RUNX1T1: variants seen among roughly 807,000 people sequenced by gnomAD.
RUNX1T1 encodes protein CBFA2T1.
A neutral mutation model predicts 62.8 loss-of-function variants in RUNX1T1; 4 were observed. The observed-to-expected ratio is 0.06, with a 90% confidence interval of 0.03 to 0.15. The LOEUF is 0.15. Among genes scored for constraint, RUNX1T1 ranks in the 10% least tolerant of loss-of-function variants. RUNX1T1 has a pLI of 1.00. For missense variants in RUNX1T1, 508 were observed against 754.3 expected, an observed-to-expected ratio of 0.67 and a Z score of 3.82; for synonymous variants, 291 against 286.0, an observed-to-expected ratio of 1.02 and a Z score of -0.18.
At chr8:92,065,562 G>C (rs559273533), upstream of RUNX1T1, among the ~76,000 whole-genome samples, 1 of 152,244 alleles carries the variant, frequency 6.6e-6, no homozygotes, top group South Asian at 2.1e-4. Context: ...TCCCACAAAA[G>C]CAAATACATA....
intron 1 of RUNX1T1, among the ~76,000 whole-genome samples, chr8:92,020,153 T>C (rs186157790): frequency 1.2e-4 from 18 of 152,266 alleles, no homozygotes; most frequent in African/African-American, 3.6e-4. Flanking sequence ...AGGATGGAGA[T>C]AGATGGTGAA....
intron 2 of RUNX1T1, among the ~76,000 whole-genome samples, chr8:92,069,860 C>T (rs1833421078): frequency 6.6e-6 from 1 of 152,106 alleles, no homozygotes; most frequent in Admixed American, 6.5e-5. Context: ...CTGCATATAC[C>T]ATAATCTTAT....
At chr8:92,010,876 G>A (rs972969965) in intron 4 of RUNX1T1, 126 bp downstream of exon 5, 3 of 568,074 alleles carry the variant, frequency 5.3e-6, no homozygotes, top group Non-Finnish European at 9.6e-6. Flanking sequence ...AAATACAATC[G>A]ATTCAGATAG....
chr8:92,015,746 T>A (rs561354819), intron 2 of RUNX1T1, among the ~76,000 whole-genome samples: 1 of 152,336 alleles, frequency 6.6e-6, no homozygotes, highest in Admixed American at 6.5e-5. Flanking sequence ...ATAATTTTGA[T>A]ATAGTTTGAA....
intron 10 of RUNX1T1, among the ~76,000 whole-genome samples, chr8:91,964,244 T>C (rs1297678172): frequency 6.6e-6 from 1 of 152,204 alleles, no homozygotes; most frequent in East Asian, 1.9e-4. Context: ...GAGAATGATC[T>C]TTCTGTCGTA....
exon 10 of RUNX1T1, chr8:91,970,704 G>A (rs890145264): frequency 7.4e-6 from 12 of 1,612,568 alleles, no homozygotes; most frequent in Admixed American, 3.4e-5. Flanking sequence ...TGCGTCCTCC[G>A]CCGCCTGCCG....
In RUNX1T1 at chr8:91,970,640, C is replaced by A; in HGVS notation, c.1458+18G>T. 1.3e-6 allele frequency: 2 copies of A among 1,571,542 alleles called. No homozygotes were observed. The highest frequency in any genetic ancestry group is 8.6e-7 in the Non-Finnish European group (1 of 1,158,540). The stretch of plus-strand genomic sequence containing the variant: ...TGAAAACTATCTTGTTTATTTGGAG[C>A]TTCCCAAGATGCCTCACCTCGCTTG... On this transcript the variant is annotated intron_variant, in intron 10 of 10. Coordinates refer to ENST00000396218, the Ensembl canonical transcript of RUNX1T1.
exon 11 of RUNX1T1, chr8:91,959,464 GTGTATATGTGCGTGTGTGTGTGTGTA>G (rs1563590899): frequency 3.2e-5 from 3 of 94,856 alleles, no homozygotes; most frequent in East Asian, 1.3e-4. Context: ...GTGTGTGTGT[GTGTATATGTGCGTGTGTGTGTGTGTA>G]TATATATATA....
chr8:91,959,405 C>T (rs1809871265), exon 11 of RUNX1T1: 1 of 203,882 alleles, frequency 4.9e-6, no homozygotes, highest in Non-Finnish European at 9.7e-6. Context: ...CAGGCTGAGT[C>T]TCTTACTTGT....
rs1837184168 is a variant in RUNX1T1 at position 92,092,498 on chromosome 8, GT to G, written c.-86+7081del. Among the ~76,000 whole-genome samples, 4 of 152,250 alleles carry G rather than the reference GT, an allele frequency of 2.6e-5. No individual in the cohort carries two copies. The South Asian group carries it at 8.3e-4, about 32-fold the overall frequency. ...CCTGTTAGTAAAATATCCCTGATTAGTTTAAACTTACATTTGCAGGTATATT... is the reference window on the plus strand; with the variant it reads ...CCTGTTAGTAAAATATCCCTGATTAGTTAAACTTACATTTGCAGGTATATT... On this transcript the variant is annotated intron_variant, in intron 1 of 11. Coordinates refer to the RUNX1T1 transcript ENST00000265814.
intron 2 of RUNX1T1, among the ~76,000 whole-genome samples, chr8:92,069,190 GA>G (rs201921705): frequency 1.2e-3 from 169 of 136,012 alleles, no homozygotes; most frequent in Middle Eastern, 0.012. Context: ...ATTATATTTT[GA>G]AAAAAAAAAA....
At chr8:92,039,351 G>C (rs1358540141) in intron 1 of RUNX1T1, among the ~76,000 whole-genome samples, 1 of 152,022 alleles carries the variant, frequency 6.6e-6, no homozygotes, top group African/African-American at 2.4e-5. Flanking sequence ...TCCCTTTGTA[G>C]TGCTTCACCC....
chr8:92,067,931 T>G (rs928555382), upstream of RUNX1T1, among the ~76,000 whole-genome samples: 1 of 152,220 alleles, frequency 6.6e-6, no homozygotes, highest in African/African-American at 2.4e-5. Context: ...CTTTTAACAC[T>G]TGCACTGATT....
intron 1 of RUNX1T1, among the ~76,000 whole-genome samples, chr8:92,048,655 G>A (rs1829781709): frequency 6.6e-6 from 1 of 152,052 alleles, no homozygotes; most frequent in South Asian, 2.1e-4. Context: ...GGTCTTTGGA[G>A]GGTGAGATGA....
chr8:92,006,941 A>G (rs1169963497), intron 4 of RUNX1T1, among the ~76,000 whole-genome samples: 1 of 152,162 alleles, frequency 6.6e-6, no homozygotes, highest in African/African-American at 2.4e-5. Flanking sequence ...GATATTTGCT[A>G]AAGATAAATG....
intron 1 of RUNX1T1, among the ~76,000 whole-genome samples, chr8:92,051,902 A>G (rs551698431): frequency 6.6e-6 from 1 of 152,196 alleles, no homozygotes; most frequent in African/African-American, 2.4e-5. Context: ...AAAAAAAAAA[A>G]AAAATCCTTT....
rs1027396152 is a variant in RUNX1T1 at position 92,097,455 on chromosome 8, C to A, written c.-86+2125G>T. 1.3e-5 allele frequency among the ~76,000 whole-genome samples: 2 copies of A among 152,088 alleles called. 1 individual carries two copies. Among genetic ancestry groups the A allele is most frequent in the African/African-American group, 4.8e-5 (2 of 41,406 alleles). On this transcript the variant is annotated intron_variant, in intron 1 of 11. Transcript: ENST00000265814. ...TGCATTCAGAGTAACCGAAAGCAAC[C>A]ACACATACCCCCACCCTTTATTGCA...
intron 5 of RUNX1T1, among the ~76,000 whole-genome samples, chr8:92,000,425 G>A (rs1586917238): frequency 6.6e-6 from 1 of 152,052 alleles, no homozygotes; most frequent in Non-Finnish European, 1.5e-5. Flanking sequence ...CATAATAGAT[G>A]CAACACAAAC....
intron 8 of RUNX1T1, chr8:91,979,806 A>G (rs1376482024): frequency 3.8e-6 from 2 of 530,172 alleles, no homozygotes; most frequent in Non-Finnish European, 7.3e-6. Flanking sequence ...GATACTAGAT[A>G]CTGCAAGGGC....
Sources: allele counts gnomAD v4.1 joint callset (sites outside exome capture counted in the v4.1 genomes callset), GRCh38; gene constraint gnomAD v4.1.1; transcripts MANE v1.5; gene names NCBI Gene and HGNC (gene_info 2026-07-23, HGNC 2026-07-21).